The following RIC1 variants were observed in gnomAD, a reference collection of about 807,000 sequenced individuals.
RIC1 encodes the protein guanine nucleotide exchange factor subunit RIC1.
In RIC1, 88 loss-of-function variants were observed where a neutral mutation model predicts 169.0. The ratio of observed to expected loss-of-function variants is 0.52; its 90% CI spans 0.44 to 0.62. The LOEUF is 0.62. RIC1 is among the 20% of genes least tolerant of loss of function. The pLI, the probability that RIC1 is intolerant of heterozygous loss-of-function variation, is 0.00. For synonymous variants in RIC1, 790 were observed against 601.5 expected (o/e 1.31, Z -4.59); for missense variants, 1,877 against 1,725.5 (o/e 1.09, Z -1.56).
At chr9:5,646,058 G>T (rs1412945315) in intron 1 of RIC1, among the ~76,000 whole-genome samples, 1 of 151,562 alleles carries the variant, frequency 6.6e-6, no homozygotes, top group Non-Finnish European at 1.5e-5. Flanking sequence ...CAATACAGTG[G>T]TTCCAGTTTC....
At chr9:5,692,024 C>A (rs997990620) in intron 3 of RIC1, among the ~76,000 whole-genome samples, 1 of 151,990 alleles carries the variant, frequency 6.6e-6, no homozygotes, top group Non-Finnish European at 1.5e-5. Context: ...CCTGACAATG[C>A]GTGAACTTTG....
intron 1 of RIC1, among the ~76,000 whole-genome samples, chr9:5,654,865 T>C (rs1818995117): frequency 6.6e-6 from 1 of 152,198 alleles, no homozygotes; most frequent in Non-Finnish European, 1.5e-5. Flanking sequence ...CAAATGTGTT[T>C]ATAATGACAA....
downstream of RIC1, among the ~76,000 whole-genome samples, chr9:5,777,701 G>A (rs571590692): frequency 7.6e-4 from 115 of 152,134 alleles, no homozygotes; most frequent in Non-Finnish European, 1.5e-3. Context: ...ATCTGACTTC[G>A]TTCTTCTAAC....
At chr9:5,679,380 G>C (rs905449882) in intron 2 of RIC1, among the ~76,000 whole-genome samples, 51 of 152,304 alleles carry the variant, frequency 3.3e-4, no homozygotes, top group Middle Eastern at 3.4e-3. Flanking sequence ...TGTGAAGAAA[G>C]TCATTGGTAG....
chr9:5,752,189 T>TTTA (rs1200815927), intron 12 of RIC1, among the ~76,000 whole-genome samples: 4 of 152,180 alleles, frequency 2.6e-5, no homozygotes, highest in Non-Finnish European at 5.9e-5. Flanking sequence ...TGTTCAAAGA[T>TTTA]GTAAGACAGA....
chr9:5,752,097 C>T (rs1024580123), intron 12 of RIC1, among the ~76,000 whole-genome samples: 2 of 152,102 alleles, frequency 1.3e-5, no homozygotes, highest in Non-Finnish European at 2.9e-5. Context: ...CTCATTAAAA[C>T]GAAAATTTAC....
chr9:5,720,728 T>G lies in RIC1; in HGVS notation c.698T>G (p.Val233Gly). ...NDGKVGFITPVSSRFTAEQLH... is the reference protein window; with the variant it reads ...NDGKVGFITPGSSRFTAEQLH... Reference sequence around the variant, plus strand: ...GGTAAAGTTGGATTTATTACACCAGTGTCAAGTAGATTTACTGCAGAGGTA... The same window carrying G: ...GGTAAAGTTGGATTTATTACACCAGGGTCAAGTAGATTTACTGCAGAGGTA... Residue 233 changes from valine to glycine, a missense_variant, in exon 6 of 26, where the codon GTG becomes GGG. Val to Gly is a moderately radical substitution (Grantham distance 109). This residue lies in a region of RIC1 where 1,104 missense variants were observed against 992.0 expected (regional missense o/e 1.11). Transcript: ENST00000414202. 1.9e-6 allele frequency: 3 copies of G among 1,609,528 alleles called. No individual in the cohort carries two copies. The highest frequency in any genetic ancestry group is 2.5e-6 in the Non-Finnish European group (3 of 1,178,336).
At chr9:5,736,772 T>C (rs1174508763) in intron 7 of RIC1, among the ~76,000 whole-genome samples, 1 of 152,066 alleles carries the variant, frequency 6.6e-6, no homozygotes, top group Admixed American at 6.6e-5. Flanking sequence ...AAGAGAAGAT[T>C]AATGAACTTG....
At position 5,720,862 on chromosome 9, in the gene RIC1, T is replaced by C. The variant is rs369194599; in HGVS notation, c.720+112T>C. The C allele has an allele frequency of 2.2e-5, 22 of 987,630 alleles. No individual in the cohort carries two copies. The African/African-American group carries it at 2.9e-4, about 13-fold the overall frequency. The allele number at this position is 987,630 out of a possible 1,614,324, so 61.2% of individuals were successfully genotyped here. ...CATGTAAGATTTTAAGGGTTGTTAA[T>C]TTTTTAATCAAACCAAACATATAAA... is the stretch of plus-strand genomic sequence containing the variant. On this transcript the variant is annotated intron_variant, in intron 6 of 25. Transcript: ENST00000414202.
At chr9:5,656,847 A>T (rs1819130583) in intron 2 of RIC1, among the ~76,000 whole-genome samples, 157 bp downstream of exon 2, 1 of 152,068 alleles carries the variant, frequency 6.6e-6, no homozygotes, top group Admixed American at 6.6e-5. Flanking sequence ...TATGTGGATT[A>T]CTCCTACTAT....
At chr9:5,672,928 G>A (rs1329856379) in intron 2 of RIC1, among the ~76,000 whole-genome samples, 1 of 152,064 alleles carries the variant, frequency 6.6e-6, no homozygotes, top group Non-Finnish European at 1.5e-5. Flanking sequence ...CATGAAAAAA[G>A]AATCTCTAAC....
intron 2 of RIC1, among the ~76,000 whole-genome samples, chr9:5,675,403 T>G (rs1350867287): frequency 6.6e-6 from 1 of 152,166 alleles, no homozygotes; most frequent in East Asian, 1.9e-4. Context: ...TTGAACTTAC[T>G]GACATATCGA....
chr9:5,739,528 C>T (rs1185105142), intron 8 of RIC1, among the ~76,000 whole-genome samples: 3 of 152,278 alleles, frequency 2.0e-5, no homozygotes, highest in East Asian at 1.9e-4. Context: ...CTCTCAACCT[C>T]ACCTCTAGAG....
In RIC1 at chr9:5,674,819, G is replaced by C. The variant is rs114482530; in HGVS notation, c.253-15140G>C. On this transcript the variant is annotated intron_variant, in intron 2 of 25. Coordinates refer to ENST00000414202, the MANE Select transcript of RIC1 (RefSeq NM_020829.4). ...CCCTCAAATTCATCTTTGGAGAAAG[G>C]CACAGATCACAGACTGTCACTGTGA... Among the ~76,000 whole-genome samples the C allele has an allele frequency of 3.8e-3, 576 of 152,180 alleles. 1 individual carries two copies. Among genetic ancestry groups the C allele is most frequent in the African/African-American group, 0.014 (562 of 41,516 alleles).
In RIC1 at chr9:5,742,798, G is replaced by GAAAAA. The variant is rs201838674; in HGVS notation, c.902-60_902-56dup. On this transcript the variant is annotated intron_variant, in intron 8 of 25. Coordinates refer to ENST00000414202, the MANE Select transcript of RIC1 (RefSeq NM_020829.4). ...AGATTTGAAAATACAGATTGTATTT[G>GAAAAA]AAAAAAAAAAAAAAACAAGTATTTC... 4,860 of 1,019,962 alleles carry GAAAAA rather than the reference G, an allele frequency of 4.8e-3. 24 individuals carry two copies. Among genetic ancestry groups the GAAAAA allele is most frequent in the South Asian group, 0.013 (820 of 62,224 alleles). The allele number at this position is 1,019,962 out of a possible 1,614,324, so 63.2% of individuals were successfully genotyped here. A position where few individuals can be genotyped will look rare whatever the true frequency, so the allele number is the denominator to read the frequency against.
At chr9:5,773,101 G>A (rs778312320) in intron 25 of RIC1, 21 bp downstream of exon 25, 35 of 1,524,202 alleles carry the variant, frequency 2.3e-5, no homozygotes, top group Non-Finnish European at 3.0e-5. Context: ...CTTTCCTTAG[G>A]CTTGGTGTCC....
intron 19 of RIC1, among the ~76,000 whole-genome samples, chr9:5,764,712 A>G (rs1052264396): frequency 1.3e-5 from 2 of 152,206 alleles, no homozygotes; most frequent in African/African-American, 4.8e-5. Context: ...AGAAAAAGAC[A>G]TAGGGTTTTA....
chr9:5,740,039 G>T (rs1824979109), intron 8 of RIC1, among the ~76,000 whole-genome samples: 1 of 152,138 alleles, frequency 6.6e-6, no homozygotes, highest in Non-Finnish European at 1.5e-5. Flanking sequence ...CAGTTTTGAG[G>T]CTCAGTATCT....
rs773719013 is a variant in RIC1, at chr9:5,757,263, A to G, written c.1854-50A>G. ...CTATTACTAGTGGAAAAGAAAGAAA[A>G]TCTTATTAGCATTGTTGTTGAGGTA... On this transcript the variant is annotated intron_variant, in intron 16 of 25. Coordinates refer to ENST00000414202, the MANE Select transcript of RIC1 (RefSeq NM_020829.4). 10 of 1,602,124 alleles carry G rather than the reference A, an allele frequency of 6.2e-6. No homozygotes were observed. The Admixed American group carries it at 1.5e-4, about 24-fold the overall frequency.
Sources: allele counts gnomAD v4.1 joint callset (sites outside exome capture counted in the v4.1 genomes callset), GRCh38; gene constraint gnomAD v4.1.1; regional missense constraint gnomAD v4.1.1; transcripts MANE v1.5; gene names NCBI Gene and HGNC (gene_info 2026-07-23, HGNC 2026-07-21).